ADARB2: variants seen among roughly 807,000 people sequenced by gnomAD.
The protein encoded by ADARB2 is adenosine deaminase RNA specific B2 (inactive), also known as inactive double-stranded RNA-specific editase B2.
A neutral mutation model predicts 62.2 loss-of-function variants in ADARB2; 25 were observed. That is an observed-to-expected ratio of 0.40 (90% confidence interval 0.29 to 0.56). The LOEUF is 0.56. Among genes scored for constraint, ADARB2 ranks in the 20% least tolerant of loss-of-function variants. The pLI is 0.43. For synonymous variants in ADARB2, 572 were observed against 500.8 expected (o/e 1.14, Z -1.90); for missense variants, 1,071 against 1,077.4 (o/e 0.99, Z 0.08).
At chr10:1,619,686 G>C (rs1390166454) in intron 1 of ADARB2, among the ~76,000 whole-genome samples, 1 of 152,134 alleles carries the variant, frequency 6.6e-6, no homozygotes, top group Admixed American at 6.5e-5. Context: ...TCTTGACCTA[G>C]AGATCTGCCC....
intron 1 of ADARB2, among the ~76,000 whole-genome samples, chr10:1,420,182 A>G (rs1832840195): frequency 6.6e-6 from 1 of 152,224 alleles, no homozygotes; most frequent in African/African-American, 2.4e-5. Flanking sequence ...AGCAGGAAAT[A>G]TTTAAAGTTC....
intron 3 of ADARB2, among the ~76,000 whole-genome samples, chr10:1,321,671 C>T (rs141984887): frequency 6.6e-6 from 1 of 152,298 alleles, no homozygotes; most frequent in East Asian, 1.9e-4. Flanking sequence ...AGGTGTGAGC[C>T]ACCGTGCTAC....
chr10:1,553,959 C>T (rs1352588637), intron 1 of ADARB2, among the ~76,000 whole-genome samples: 1 of 152,212 alleles, frequency 6.6e-6, no homozygotes, highest in Non-Finnish European at 1.5e-5. Context: ...GGCCTGTAAA[C>T]CGGAGTCCAG....
intron 1 of ADARB2, among the ~76,000 whole-genome samples, chr10:1,540,003 A>G (rs1259085379): frequency 2.0e-5 from 3 of 152,204 alleles, no homozygotes; most frequent in Non-Finnish European, 2.9e-5. Flanking sequence ...ACAAAAACCA[A>G]TAATTGAATA....
At chr10:1,556,039 C>G (rs12414305) in intron 1 of ADARB2, among the ~76,000 whole-genome samples, 35,394 of 152,076 alleles carry the variant, frequency 0.23, 4,338 homozygotes, top group African/African-American at 0.26. Flanking sequence ...CTTTGTCTGT[C>G]TTTCATATAT....
intron 1 of ADARB2, among the ~76,000 whole-genome samples, chr10:1,613,893 T>C (rs1382029701): frequency 6.6e-6 from 1 of 152,246 alleles, no homozygotes; most frequent in Non-Finnish European, 1.5e-5. Context: ...TCTCCAGGCT[T>C]TCCAATTTGA....
intron 1 of ADARB2, among the ~76,000 whole-genome samples, chr10:1,660,251 T>C (rs538880763): frequency 6.6e-6 from 1 of 152,266 alleles, no homozygotes; most frequent in Non-Finnish European, 1.5e-5. Flanking sequence ...AGGATAATCA[T>C]CAATCCCCTT....
intron 1 of ADARB2, among the ~76,000 whole-genome samples, chr10:1,563,943 C>T (rs1832823355): frequency 6.7e-6 from 1 of 149,848 alleles, no homozygotes; most frequent in African/African-American, 2.5e-5. Context: ...ATCCATGTCC[C>T]TACAAAGGAC....
chr10:1,685,402 T>G (rs1478935676), intron 1 of ADARB2, among the ~76,000 whole-genome samples: 2 of 152,208 alleles, frequency 1.3e-5, no homozygotes, highest in Admixed American at 6.5e-5. Context: ...CAGCTTCACC[T>G]TTCCCCCTTC....
chr10:1,600,522 C>T (rs1423626667), intron 1 of ADARB2, among the ~76,000 whole-genome samples: 12 of 151,888 alleles, frequency 7.9e-5, no homozygotes, highest in Non-Finnish European at 1.3e-4. Context: ...AGTAGCTGGG[C>T]GTGGTGGTGC....
At chr10:1,682,684 AAGACCAG>A (rs1489647829) in intron 1 of ADARB2, among the ~76,000 whole-genome samples, 1 of 152,234 alleles carries the variant, frequency 6.6e-6, no homozygotes, top group Non-Finnish European at 1.5e-5. Context: ...CTCCGTTAGC[AAGACCAG>A]AGAGCAGAGG....
chr10:1,583,355 A>G (rs1301178513), intron 1 of ADARB2, among the ~76,000 whole-genome samples: 2 of 152,340 alleles, frequency 1.3e-5, no homozygotes, highest in Admixed American at 6.5e-5. Context: ...CATTTTACAG[A>G]TAGCTTTCAA....
chr10:1,260,792 G>GA (rs755814130), intron 4 of ADARB2, among the ~76,000 whole-genome samples: 24,667 of 126,816 alleles, frequency 0.19, 2,566 homozygotes, highest in South Asian at 0.38. Context: ...CACAGAATTG[G>GA]AAAAAACTAC....
chr10:1,229,674 A>G (rs915819958), intron 6 of ADARB2, among the ~76,000 whole-genome samples: 1 of 22,412 alleles, frequency 4.5e-5, no homozygotes, highest in Admixed American at 2.6e-4. Context: ...ACATATGCTT[A>G]TGTATGTGTT....
At chr10:1,617,346 C>T (rs12414719) in intron 1 of ADARB2, among the ~76,000 whole-genome samples, 1,735 of 9,874 alleles carry the variant, frequency 0.18, 362 homozygotes, top group African/African-American at 0.41. Context: ...TCCTGGGAAC[C>T]GGCCTCAGAG....
intron 1 of ADARB2, among the ~76,000 whole-genome samples, chr10:1,485,480 G>A (rs1186377228): frequency 1.3e-5 from 2 of 152,060 alleles, no homozygotes; most frequent in African/African-American, 2.4e-5. Flanking sequence ...TAGGCACCAC[G>A]CAGCTCCGCA....
chr10:1,652,005 T>TC (rs1834117611), intron 1 of ADARB2, among the ~76,000 whole-genome samples: 1 of 152,254 alleles, frequency 6.6e-6, no homozygotes. Flanking sequence ...AGAGCTGGGC[T>TC]CCATCAACCC....
Position 1,687,029 on chromosome 10 carries a change from C to CTTTTTTTTTTTTTTTTT in ADARB2, c.100+50005_100+50021dup, listed in dbSNP as rs397952487. Among the ~76,000 whole-genome samples the CTTTTTTTTTTTTTTTTT allele has an allele frequency of 1.6e-5, 2 of 129,004 alleles. 1 individual carries two copies. 84.6% of individuals were successfully genotyped at this position (129,004 alleles called of 152,430 possible). Reference sequence around the variant, plus strand: ...TGCCTCCCATGGGTCATGACATTGCCTTTTTTTTTTTTTTTTTTGACAAGT... The same window carrying CTTTTTTTTTTTTTTTTT: ...TGCCTCCCATGGGTCATGACATTGCCTTTTTTTTTTTTTTTTTTTTTTTTTTTTTTTTTTTGACAAGT... On this transcript the variant is annotated intron_variant, in intron 1 of 9. Transcript: ENST00000381312.
intron 7 of ADARB2, among the ~76,000 whole-genome samples, chr10:1,203,596 A>G (rs1295730179): frequency 6.6e-6 from 1 of 151,772 alleles, no homozygotes; most frequent in African/African-American, 2.4e-5. Context: ...GAGGATCTCC[A>G]GAGGTCTGGC....
Sources: gnomAD v4.1 joint callset for allele counts (sites outside exome capture counted in the v4.1 genomes callset) on GRCh38, gnomAD v4.1.1 for gene constraint, MANE v1.5 for transcripts, NCBI Gene and HGNC (gene_info 2026-07-23, HGNC 2026-07-21) for gene names.